The following EOGT variants were observed in gnomAD, a reference collection of about 807,000 sequenced individuals.
The protein encoded by EOGT is EGF domain-specific O-linked N-acetylglucosamine transferase.
EOGT carries 55 observed loss-of-function variants against 70.5 expected under a neutral mutation model. The ratio of observed to expected loss-of-function variants is 0.78; its 90% CI spans 0.63 to 0.98. EOGT has a LOEUF of 0.98. EOGT is among the 50% of genes least tolerant of loss of function. The pLI, the probability that EOGT is intolerant of heterozygous loss-of-function variation, is 0.00. For synonymous variants in EOGT, 246 were observed against 217.1 expected, an observed-to-expected ratio of 1.13 and a Z score of -1.17; for missense variants, 703 against 641.9, an observed-to-expected ratio of 1.10 and a Z score of -1.03.
At chr3:68,983,740 G>A (rs1028398651) in intron 14 of EOGT, among the ~76,000 whole-genome samples, 12 of 152,214 alleles carry the variant, frequency 7.9e-5, no homozygotes, top group African/African-American at 2.9e-4. Context: ...GAGGCGGGCA[G>A]ATCACCTGAG....
At chr3:69,000,188 T>C (rs1446731251) in intron 9 of EOGT, among the ~76,000 whole-genome samples, 1 of 152,170 alleles carries the variant, frequency 6.6e-6, no homozygotes, top group Non-Finnish European at 1.5e-5. Flanking sequence ...ATCATGCCAC[T>C]GTACTCCAGC....
intron 8 of EOGT, among the ~76,000 whole-genome samples, chr3:69,002,721 C>G (rs2091331105): frequency 6.6e-6 from 1 of 151,510 alleles, no homozygotes; most frequent in Non-Finnish European, 1.5e-5. Context: ...GTGGTGCAAT[C>G]ATAGCTCACT....
At chr3:68,997,483 C>T (rs528570446) in intron 10 of EOGT, among the ~76,000 whole-genome samples, 1 of 152,222 alleles carries the variant, frequency 6.6e-6, no homozygotes, top group South Asian at 2.1e-4. Flanking sequence ...ATTCTCCGAC[C>T]ACAGCCTCCT....
chr3:68,998,982 T>C lies in EOGT; in HGVS notation c.728-868A>G, dbSNP rs181503354. 1.1e-4 allele frequency among the ~76,000 whole-genome samples: 16 copies of C among 152,330 alleles called. No homozygotes were observed. In the East Asian group the frequency reaches 2.3e-3, roughly 22 times the overall value. On this transcript the variant is annotated intron_variant, in intron 9 of 17. Coordinates refer to ENST00000383701, the MANE Select transcript of EOGT (RefSeq NM_001278689.2). ...ATTTAATCATTACATGTATCATTCC[T>C]GGAAAAACATTAACCAACTATCATA...
At chr3:68,988,103 T>C (rs1226397791) in intron 13 of EOGT, among the ~76,000 whole-genome samples, 192 bp downstream of exon 13, 2 of 152,184 alleles carry the variant, frequency 1.3e-5, no homozygotes, top group South Asian at 2.1e-4. Flanking sequence ...TTTGCAGAGA[T>C]GGGGTTTTGC....
chr3:69,011,688 T>C (rs1025661788), intron 3 of EOGT, among the ~76,000 whole-genome samples: 3 of 151,792 alleles, frequency 2.0e-5, no homozygotes, highest in African/African-American at 4.8e-5. Flanking sequence ...GAATTCTAAG[T>C]GAACAGTGGG....
intron 13 of EOGT, chr3:68,987,922 T>G (rs975079643): frequency 9.3e-6 from 3 of 322,738 alleles, no homozygotes; most frequent in Non-Finnish European, 1.1e-5. Flanking sequence ...AAAATGTTTT[T>G]GGGTTTTGTT....
At chr3:68,980,645 A>G (rs1234163512) in intron 15 of EOGT, among the ~76,000 whole-genome samples, 1 of 152,200 alleles carries the variant, frequency 6.6e-6, no homozygotes, top group African/African-American at 2.4e-5. Flanking sequence ...TCCCTTTTAC[A>G]CCAGCTAACA....
At chr3:68,998,560 A>G (rs531054278) in intron 9 of EOGT, among the ~76,000 whole-genome samples, 7 of 152,264 alleles carry the variant, frequency 4.6e-5, no homozygotes, top group African/African-American at 1.7e-4. Flanking sequence ...TGTTTTTTAA[A>G]GTCAATTAAG....
intron 9 of EOGT, among the ~76,000 whole-genome samples, chr3:69,001,392 T>C (rs1435766251): frequency 1.3e-5 from 2 of 152,176 alleles, no homozygotes. Context: ...TTAAGTCCTT[T>C]GATATAAATG....
chr3:68,999,648 T>C (rs921913491), intron 9 of EOGT, among the ~76,000 whole-genome samples: 3 of 152,226 alleles, frequency 2.0e-5, no homozygotes, highest in Non-Finnish European at 4.4e-5. Context: ...CAGAAAAATC[T>C]TGGCAAAGAA....
chr3:68,998,280 G>C (rs1284416458), intron 9 of EOGT, among the ~76,000 whole-genome samples, 166 bp from the exon 10 acceptor site: 2 of 152,154 alleles, frequency 1.3e-5, no homozygotes, highest in East Asian at 1.9e-4. Flanking sequence ...TAGATACATA[G>C]GTAGTCCTCA....
At chr3:68,986,545 T>C (rs1198234712) in intron 14 of EOGT, among the ~76,000 whole-genome samples, 3 of 152,312 alleles carry the variant, frequency 2.0e-5, no homozygotes, top group Middle Eastern at 3.4e-3. Flanking sequence ...GTTTCTAGAA[T>C]ACTGAAAGCT....
chr3:68,975,632 T>C lies in EOGT; in HGVS notation c.*1986A>G, dbSNP rs1443542454. 6.6e-6 allele frequency: 1 copy of C among 152,516 alleles called. No homozygotes were observed. Among genetic ancestry groups the C allele is most frequent in the Admixed American group, 6.5e-5 (1 of 15,282 alleles). 9.4% of individuals were successfully genotyped at this position (152,516 alleles called of 1,614,324 possible). A position where few individuals can be genotyped will look rare whatever the true frequency, so the allele number is the denominator to read the frequency against. The stretch of plus-strand genomic sequence containing the variant: ...TTCATCTGAAATATTTTCCCAGTGG[T>C]TACTCAGTATTTTGCACACAAAAAA... On this transcript the variant is annotated 3_prime_UTR_variant, in exon 18 of 18. Transcript: ENST00000383701.
At chr3:68,982,545 A>C (rs887382292) in intron 15 of EOGT, among the ~76,000 whole-genome samples, 1 of 152,072 alleles carries the variant, frequency 6.6e-6, no homozygotes, top group Non-Finnish European at 1.5e-5. Flanking sequence ...AACAAACAAA[A>C]AATTCTGAAA....
At chr3:68,998,944 C>T (rs189337712) in intron 9 of EOGT, among the ~76,000 whole-genome samples, 1 of 151,582 alleles carries the variant, frequency 6.6e-6, no homozygotes, top group East Asian at 1.9e-4. Flanking sequence ...TCATTCCTGT[C>T]TCTTTTTTCC....
chr3:68,999,858 T>G (rs1236715908), intron 9 of EOGT, among the ~76,000 whole-genome samples: 1 of 152,118 alleles, frequency 6.6e-6, no homozygotes, highest in Non-Finnish European at 1.5e-5. Flanking sequence ...GCTCCATCCT[T>G]GAGAAATGTG....
intron 14 of EOGT, among the ~76,000 whole-genome samples, chr3:68,984,027 A>G (rs562869446): frequency 1.5e-3 from 236 of 152,318 alleles, no homozygotes; most frequent in Non-Finnish European, 2.8e-3. Flanking sequence ...CCACTTTACA[A>G]ATTAGACAAG....
chr3:68,988,908 A>C lies in EOGT; in HGVS notation c.924+17T>G. 7.2e-7 allele frequency: 1 copy of C among 1,382,282 alleles called. No homozygotes were observed. The highest frequency in any genetic ancestry group is 9.8e-7 in the Non-Finnish European group (1 of 1,015,928). 85.6% of individuals were successfully genotyped at this position (1,382,282 alleles called of 1,614,324 possible). A position where few individuals can be genotyped will look rare whatever the true frequency, so the allele number is the denominator to read the frequency against. ...CTCAAGAAATATTCACAGACATTTCAGGAAAATTTCCAGTACCCTTTTGGA... is the reference window on the plus strand; with the variant it reads ...CTCAAGAAATATTCACAGACATTTCCGGAAAATTTCCAGTACCCTTTTGGA... On this transcript the variant is annotated intron_variant, in intron 11 of 17. Coordinates refer to ENST00000383701, the MANE Select transcript of EOGT (RefSeq NM_001278689.2).
Sources: allele counts gnomAD v4.1 joint callset (sites outside exome capture counted in the v4.1 genomes callset), GRCh38; gene constraint gnomAD v4.1.1; transcripts MANE v1.5; gene names NCBI Gene and HGNC (gene_info 2026-07-23, HGNC 2026-07-21).